The following CADPS2 variants were observed in gnomAD, a reference collection of about 807,000 sequenced individuals.
The protein encoded by CADPS2 is calcium-dependent secretion activator 2.
Under a neutral mutation model 172.5 loss-of-function variants are expected in CADPS2, and 93 were observed. That is an observed-to-expected ratio of 0.54 (90% CI 0.46 to 0.64). The LOEUF is 0.64. Among genes scored for constraint, CADPS2 ranks in the 30% least tolerant of loss-of-function variants. The pLI, the probability that CADPS2 is intolerant of heterozygous loss-of-function variation, is 0.00. For missense variants in CADPS2, 1,420 were observed against 1,565.9 expected (o/e 0.91, Z 1.57); for synonymous variants, 546 against 555.2 (o/e 0.98, Z 0.23).
intron 3 of CADPS2, among the ~76,000 whole-genome samples, chr7:122,639,247 T>G (rs1442269936): frequency 6.6e-6 from 1 of 152,184 alleles, no homozygotes; most frequent in Admixed American, 6.5e-5. Context: ...ATGTTGCATG[T>G]TTTGAGTTTT....
At chr7:122,827,910 A>G (rs1461277414) in intron 1 of CADPS2, among the ~76,000 whole-genome samples, 2 of 152,260 alleles carry the variant, frequency 1.3e-5, no homozygotes, top group East Asian at 3.8e-4. Flanking sequence ...TCAGCAAGGC[A>G]GGTTCAATAT....
At chr7:122,786,978 T>C (rs1477050212) in intron 1 of CADPS2, among the ~76,000 whole-genome samples, 1 of 152,128 alleles carries the variant, frequency 6.6e-6, no homozygotes, top group African/African-American at 2.4e-5. Flanking sequence ...TGCTAGAAAA[T>C]GCCAGGCAGG....
intron 8 of CADPS2, among the ~76,000 whole-genome samples, chr7:122,525,224 T>C (rs2061128333): frequency 6.6e-6 from 1 of 152,194 alleles, no homozygotes; most frequent in Non-Finnish European, 1.5e-5. Context: ...GAAAGGCCTC[T>C]TCTTCTAGTA....
intron 1 of CADPS2, among the ~76,000 whole-genome samples, chr7:122,813,997 A>G (rs1184111662): frequency 6.6e-6 from 1 of 151,984 alleles, no homozygotes; most frequent in South Asian, 2.1e-4. Flanking sequence ...GTCAATGTGT[A>G]TACAAGGACG....
At chr7:122,325,364 C>A in intron 29 of CADPS2, 113 bp downstream of exon 29, 2 of 655,258 alleles carry the variant, frequency 3.1e-6, no homozygotes, top group East Asian at 2.8e-5. Flanking sequence ...CACATCATTG[C>A]TAATAAGTGA....
intron 28 of CADPS2, among the ~76,000 whole-genome samples, chr7:122,344,685 T>G (rs1430751946): frequency 6.6e-6 from 1 of 152,196 alleles, no homozygotes; most frequent in African/African-American, 2.4e-5. Context: ...AAACATCTTA[T>G]AGTAGGGACC....
chr7:122,597,319 T>C (rs1587707973), intron 6 of CADPS2, among the ~76,000 whole-genome samples: 1 of 152,088 alleles, frequency 6.6e-6, no homozygotes, highest in South Asian at 2.1e-4. Flanking sequence ...AAAATAACTA[T>C]CATTATATCT....
chr7:122,725,337 T>TTATA (rs35468775), intron 2 of CADPS2, among the ~76,000 whole-genome samples: 2 of 151,672 alleles, frequency 1.3e-5, no homozygotes, highest in African/African-American at 2.4e-5. Context: ...AACATCTCTT[T>TTATA]TATATATATA....
intron 9 of CADPS2, among the ~76,000 whole-genome samples, chr7:122,511,892 A>T (rs1013825689): frequency 6.6e-6 from 1 of 152,190 alleles, no homozygotes; most frequent in Non-Finnish European, 1.5e-5. Context: ...AATGTCAGAA[A>T]CGAAATGTGG....
At chr7:122,834,342 C>A (rs915369421) in intron 1 of CADPS2, among the ~76,000 whole-genome samples, 1 of 152,188 alleles carries the variant, frequency 6.6e-6, no homozygotes, top group African/African-American at 2.4e-5. Context: ...AGGAACAGCT[C>A]CAGTCTACAG....
rs184224167 is a variant in CADPS2 at position 122,574,328 on chromosome 7, C to T, written c.1335+6851G>A. On this transcript the variant is annotated intron_variant, in intron 7 of 29. Coordinates refer to ENST00000449022, the MANE Select transcript of CADPS2 (RefSeq NM_017954.11). ...CAGCACGGTGGCATACACCTATGGCCTCAGATACTCTGGAAGCTGAGGTAG... is the reference window on the plus strand; with the variant it reads ...CAGCACGGTGGCATACACCTATGGCTTCAGATACTCTGGAAGCTGAGGTAG... Among the ~76,000 whole-genome samples the T allele has an allele frequency of 4.0e-3, 600 of 149,590 alleles. 7 individuals are homozygous for T. Among genetic ancestry groups the T allele is most frequent in the African/African-American group, 0.014 (570 of 40,848 alleles).
intron 2 of CADPS2, among the ~76,000 whole-genome samples, chr7:122,726,773 C>CAAAAAAAAA (rs35290526): frequency 7.7e-6 from 1 of 129,510 alleles, no homozygotes; most frequent in Non-Finnish European, 1.6e-5. Flanking sequence ...CTTCCTGATA[C>CAAAAAAAAA]AAAAAAAAAA....
chr7:122,361,871 C>T (rs1376026642), intron 25 of CADPS2, among the ~76,000 whole-genome samples: 2 of 151,876 alleles, frequency 1.3e-5, no homozygotes, highest in African/African-American at 4.8e-5. Context: ...GTCAGGAGTT[C>T]GAGACCAGCC....
In CADPS2 at chr7:122,872,479, T is replaced by C. The variant is rs1820016842; in HGVS notation, c.339+13520A>G. 2.6e-5 allele frequency among the ~76,000 whole-genome samples: 4 copies of C among 152,044 alleles called. No individual in the cohort carries two copies. In the South Asian group the frequency reaches 8.3e-4, roughly 31 times the overall value. On this transcript the variant is annotated intron_variant, in intron 1 of 29. Transcript: ENST00000449022. ...TAAAGCAAGGACGAGGGAACAAGAATGGGCTTTATCTCAATCTCCCTACTT... is the reference window on the plus strand; with the variant it reads ...TAAAGCAAGGACGAGGGAACAAGAACGGGCTTTATCTCAATCTCCCTACTT...
At chr7:122,557,098 G>T (rs1206265868) in intron 7 of CADPS2, among the ~76,000 whole-genome samples, 1 of 152,096 alleles carries the variant, frequency 6.6e-6, no homozygotes, top group Non-Finnish European at 1.5e-5. Context: ...ACAAGGGGAG[G>T]TCCACAGATA....
chr7:122,685,073 C>G (rs144020432), intron 2 of CADPS2, among the ~76,000 whole-genome samples: 21 of 152,178 alleles, frequency 1.4e-4, no homozygotes, highest in Middle Eastern at 3.4e-3. Flanking sequence ...CAGATGGCAA[C>G]TACATGTGGA....
At chr7:122,388,347 G>A (rs891152495) in intron 23 of CADPS2, among the ~76,000 whole-genome samples, 1 of 151,892 alleles carries the variant, frequency 6.6e-6, no homozygotes, top group African/African-American at 2.4e-5. Flanking sequence ...CATTAATATG[G>A]TATAGATGTT....
intron 8 of CADPS2, among the ~76,000 whole-genome samples, chr7:122,524,425 A>T (rs372863094): frequency 6.6e-6 from 1 of 152,186 alleles, no homozygotes; most frequent in East Asian, 1.9e-4. Flanking sequence ...CTCTAAAAAA[A>T]TAATTAAGAT....
intron 2 of CADPS2, among the ~76,000 whole-genome samples, chr7:122,701,165 T>C (rs553091486): frequency 1.3e-5 from 2 of 152,264 alleles, no homozygotes; most frequent in African/African-American, 4.8e-5. Context: ...AAAAATTTGT[T>C]TTTAACATAT....
Sources: gnomAD v4.1 joint callset for allele counts (sites outside exome capture counted in the v4.1 genomes callset) on GRCh38, gnomAD v4.1.1 for gene constraint, MANE v1.5 for transcripts, NCBI Gene and HGNC (gene_info 2026-07-23, HGNC 2026-07-21) for gene names.